Variants in C12orf42 observed in about 807,000 individuals in gnomAD.
The protein encoded by C12orf42 is uncharacterized protein C12orf42.
In C12orf42, 25 loss-of-function variants were observed where a neutral mutation model predicts 21.6. The observed-to-expected ratio is 1.16, with a 90% CI of 0.84 to 1.62. The LOEUF is 1.62. Among genes scored for constraint, C12orf42 ranks in the 40% most tolerant of loss-of-function variants. C12orf42 has a pLI of 0.00. For missense variants in C12orf42, 483 were observed against 459.3 expected, an observed-to-expected ratio of 1.05 and a Z score of -0.47; for synonymous variants, 174 against 175.0, an observed-to-expected ratio of 0.99 and a Z score of 0.05.
chr12:103,108,525 G>GA, the C12orf42 span, among the ~76,000 whole-genome samples: 2 of 151,794 alleles, frequency 1.3e-5, no homozygotes, highest in Admixed American at 6.6e-5. Flanking sequence ...GCAGATTAAA[G>GA]AAAAAAATGG....
At chr12:103,562,324 A>G in the C12orf42 span, among the ~76,000 whole-genome samples, 1 of 152,182 alleles carries the variant, frequency 6.6e-6, no homozygotes, top group East Asian at 1.9e-4. Flanking sequence ...GTCTCTGGCC[A>G]TTGGAATCTG....
the C12orf42 span, among the ~76,000 whole-genome samples, chr12:103,502,005 A>T: frequency 4.6e-5 from 7 of 152,210 alleles, no homozygotes; most frequent in Admixed American, 1.3e-4. Flanking sequence ...TGCCTAGATC[A>T]TGGTAGGCGT....
chr12:103,106,831 C>A, the C12orf42 span, among the ~76,000 whole-genome samples: 2 of 151,792 alleles, frequency 1.3e-5, no homozygotes, highest in Admixed American at 6.6e-5. Context: ...ACTCCATATT[C>A]TAAAGAAAGA....
At chr12:103,513,890 C>A in the C12orf42 span, among the ~76,000 whole-genome samples, 1 of 151,042 alleles carries the variant, frequency 6.6e-6, no homozygotes. Context: ...TTTGTGATAA[C>A]AAGTGTTTTG....
the C12orf42 span, among the ~76,000 whole-genome samples, chr12:103,501,307 T>C: frequency 1.3e-5 from 2 of 152,158 alleles, no homozygotes; most frequent in Non-Finnish European, 2.9e-5. Context: ...TAATTGAAGA[T>C]CAGAGTAGCA....
the C12orf42 span, among the ~76,000 whole-genome samples, chr12:103,528,621 T>C: frequency 6.6e-6 from 1 of 152,200 alleles, no homozygotes; most frequent in Non-Finnish European, 1.5e-5. Context: ...CTGTGCTCTC[T>C]CTGCATGCCA....
chr12:103,294,473 A>AAAAG (rs1566025507), intron 4 of C12orf42, among the ~76,000 whole-genome samples: 1 of 91,048 alleles, frequency 1.1e-5, no homozygotes, highest in Admixed American at 1.1e-4. Context: ...AAAGAAAGAA[A>AAAAG]TAAGCAAGCA....
the C12orf42 span, among the ~76,000 whole-genome samples, chr12:103,067,649 A>G: frequency 6.6e-6 from 1 of 152,216 alleles, no homozygotes; most frequent in South Asian, 2.1e-4. Context: ...TTTGCTTCCT[A>G]TTCCCTCAGC....
chr12:103,321,272 C>A (rs2040075511), intron 4 of C12orf42, among the ~76,000 whole-genome samples: 1 of 151,492 alleles, frequency 6.6e-6, no homozygotes, highest in Non-Finnish European at 1.5e-5. Flanking sequence ...AAATGCTCAT[C>A]ATCACTGGCC....
At chr12:103,110,745 C>A in the C12orf42 span, among the ~76,000 whole-genome samples, 1 of 152,160 alleles carries the variant, frequency 6.6e-6, no homozygotes, top group African/African-American at 2.4e-5. Context: ...TTTTCAAAAT[C>A]CTTCTAGATT....
the C12orf42 span, among the ~76,000 whole-genome samples, chr12:103,077,792 G>C: frequency 1.3e-5 from 2 of 152,154 alleles, no homozygotes; most frequent in African/African-American, 4.8e-5. Flanking sequence ...TTATGGAAGG[G>C]TTCCATCTGG....
chr12:103,360,271 C>G (rs1237714854), intron 4 of C12orf42, among the ~76,000 whole-genome samples: 2 of 151,618 alleles, frequency 1.3e-5, no homozygotes, highest in Admixed American at 6.6e-5. Flanking sequence ...GTGCTCAACC[C>G]TAATCACCAC....
intron 4 of C12orf42, among the ~76,000 whole-genome samples, chr12:103,331,554 G>T (rs2041240164): frequency 6.6e-6 from 1 of 152,184 alleles, no homozygotes; most frequent in Non-Finnish European, 1.5e-5. Flanking sequence ...ACACTGTCAA[G>T]AAGTAAAGGT....
upstream of C12orf42, among the ~76,000 whole-genome samples, chr12:103,498,895 G>A (rs1955644619): frequency 6.6e-6 from 1 of 151,794 alleles, no homozygotes; most frequent in Non-Finnish European, 1.5e-5. Context: ...GGGAGGGAGG[G>A]CATTAGGAAA....
At chr12:103,523,690 A>T in the C12orf42 span, among the ~76,000 whole-genome samples, 1 of 151,566 alleles carries the variant, frequency 6.6e-6, no homozygotes, top group South Asian at 2.1e-4. Context: ...AAGCAATTAC[A>T]GCATTGTTTT....
At chr12:103,125,187 A>G in the C12orf42 span, among the ~76,000 whole-genome samples, 4 of 152,240 alleles carry the variant, frequency 2.6e-5, no homozygotes, top group African/African-American at 2.4e-5. Flanking sequence ...GAAAGCCTAC[A>G]GACTGAATTA....
At chr12:103,454,720 G>A (rs777785723) in intron 2 of C12orf42, among the ~76,000 whole-genome samples, 34 of 152,074 alleles carry the variant, frequency 2.2e-4, no homozygotes, top group Non-Finnish European at 4.4e-4. Flanking sequence ...CTGCCCAGTT[G>A]CCAAAATCAT....
At chr12:103,413,431 C>T (rs2049015254) in intron 2 of C12orf42, among the ~76,000 whole-genome samples, 1 of 152,072 alleles carries the variant, frequency 6.6e-6, no homozygotes, top group Non-Finnish European at 1.5e-5. Context: ...TGTGACTATA[C>T]AAGCTCTTTT....
intron 6 of C12orf42, among the ~76,000 whole-genome samples, chr12:103,269,277 T>A (rs554037928): frequency 1.3e-5 from 2 of 152,118 alleles, no homozygotes; most frequent in Non-Finnish European, 2.9e-5. Flanking sequence ...AGGAAGCGGA[T>A]GACGTAAGTA....
Sources: allele counts gnomAD v4.1 joint callset (sites outside exome capture counted in the v4.1 genomes callset), GRCh38; gene constraint gnomAD v4.1.1; transcripts MANE v1.5; gene names NCBI Gene and HGNC (gene_info 2026-07-23, HGNC 2026-07-21).